KCNT2: variants seen among roughly 807,000 people sequenced by gnomAD.
The protein encoded by KCNT2 is potassium channel subfamily T member 2.
KCNT2 carries 67 observed loss-of-function variants against 153.8 expected under a neutral mutation model. The observed-to-expected ratio is 0.44, with a 90% confidence interval of 0.36 to 0.53. The LOEUF (loss-of-function observed/expected upper bound fraction) is 0.53, where lower values mean the gene tolerates loss of function less well. Ranked by LOEUF, KCNT2 falls within the 20% of genes least tolerant of loss-of-function variation. The pLI, the probability that KCNT2 is intolerant of heterozygous loss-of-function variation, is 0.00. For synonymous variants in KCNT2, 500 were observed against 458.8 expected, an observed-to-expected ratio of 1.09 and a Z score of -1.15; for missense variants, 975 against 1,354.8, an observed-to-expected ratio of 0.72 and a Z score of 4.40.
intron 13 of KCNT2, among the ~76,000 whole-genome samples, chr1:196,393,601 A>ATG (rs569109369): frequency 0.27 from 40,671 of 150,610 alleles, 5,825 homozygotes; most frequent in Admixed American, 0.33. Flanking sequence ...GTGTGCATGT[A>ATG]TGTGTGTGTG....
rs181518855 is a variant in KCNT2, at chr1:196,258,887, A to C, written c.2911-393T>G. Reference sequence around the variant, plus strand: ...TGTAATGGACTTTTCTAAACCTATTACAAGTATTTCACACTCAATTTAAAT... The same window carrying C: ...TGTAATGGACTTTTCTAAACCTATTCCAAGTATTTCACACTCAATTTAAAT... On this transcript the variant is annotated intron_variant, in intron 25 of 27. Transcript: ENST00000294725. Among the ~76,000 whole-genome samples the C allele has an allele frequency of 2.5e-3, 383 of 152,256 alleles. 2 individuals are homozygous for C. Among genetic ancestry groups the C allele is most frequent in the South Asian group, 5.4e-3 (26 of 4,828 alleles).
chr1:196,433,888 A>C (rs1674381436), intron 8 of KCNT2, among the ~76,000 whole-genome samples: 2 of 152,080 alleles, frequency 1.3e-5, no homozygotes, highest in Admixed American at 1.3e-4. Context: ...AGAGGTATCA[A>C]GAGACAGAAG....
intron 1 of KCNT2, among the ~76,000 whole-genome samples, chr1:196,557,081 C>A (rs550783804): frequency 6.6e-6 from 1 of 150,948 alleles, no homozygotes; most frequent in African/African-American, 2.4e-5. Context: ...TATTTGACAG[C>A]ACAAGAGGGG....
intron 25 of KCNT2, among the ~76,000 whole-genome samples, chr1:196,266,140 T>A (rs1010695980): frequency 6.6e-6 from 1 of 152,156 alleles, no homozygotes; most frequent in African/African-American, 2.4e-5. Context: ...CTTGAAGAAT[T>A]TATAAAGGCA....
At chr1:196,607,008 A>C (rs1281156797) in intron 1 of KCNT2, among the ~76,000 whole-genome samples, 2 of 152,222 alleles carry the variant, frequency 1.3e-5, no homozygotes, top group Non-Finnish European at 2.9e-5. Context: ...TTGAACCAAA[A>C]TATCCTCTAC....
intron 25 of KCNT2, among the ~76,000 whole-genome samples, chr1:196,277,097 C>T (rs1016373748): frequency 9.2e-5 from 14 of 152,126 alleles, no homozygotes; most frequent in African/African-American, 3.4e-4. Flanking sequence ...TCTTAGAACT[C>T]CTAGACTAAT....
intron 1 of KCNT2, among the ~76,000 whole-genome samples, chr1:196,600,098 C>T (rs913034136): frequency 6.6e-6 from 1 of 152,042 alleles, no homozygotes; most frequent in Non-Finnish European, 1.5e-5. Context: ...CTAGTTGTAC[C>T]TAGTTATTAA....
intron 13 of KCNT2, among the ~76,000 whole-genome samples, chr1:196,395,368 T>C (rs1186170112): frequency 3.3e-5 from 5 of 151,718 alleles, no homozygotes; most frequent in African/African-American, 1.2e-4. Context: ...AAACTGTTTG[T>C]AAAACATTAT....
At chr1:196,523,394 TA>T (rs1180032974) in intron 1 of KCNT2, among the ~76,000 whole-genome samples, 4 of 152,194 alleles carry the variant, frequency 2.6e-5, no homozygotes, top group Non-Finnish European at 5.9e-5. Flanking sequence ...CCGGACACAC[TA>T]GCTTAAATTA....
chr1:196,489,327 A>G (rs969156822), intron 3 of KCNT2, among the ~76,000 whole-genome samples: 1 of 151,978 alleles, frequency 6.6e-6, no homozygotes, highest in African/African-American at 2.4e-5. Context: ...CTGTCATGGA[A>G]TATCCTCTCT....
At chr1:196,331,996 A>G (rs949949255) in intron 17 of KCNT2, among the ~76,000 whole-genome samples, 5 of 152,186 alleles carry the variant, frequency 3.3e-5, no homozygotes, top group Admixed American at 1.3e-4. Context: ...AAAACGTAGC[A>G]GCATAAATGA....
intron 8 of KCNT2, among the ~76,000 whole-genome samples, chr1:196,435,165 A>G (rs919383509): frequency 2.3e-5 from 3 of 130,204 alleles, no homozygotes; most frequent in South Asian, 4.7e-4. Flanking sequence ...ATATATATAT[A>G]TATATATATA....
intron 18 of KCNT2, among the ~76,000 whole-genome samples, chr1:196,328,988 T>C (rs1351178446): frequency 6.6e-6 from 1 of 152,102 alleles, no homozygotes; most frequent in Non-Finnish European, 1.5e-5. Flanking sequence ...GTTGAGCTGA[T>C]GTTTGGATCA....
At position 196,475,477 on chromosome 1, in the gene KCNT2, G is replaced by C. The variant is rs531437503; in HGVS notation, c.384+3702C>G. Among the ~76,000 whole-genome samples, 17 of 152,024 alleles carry C rather than the reference G, an allele frequency of 1.1e-4. No homozygotes were observed. In the South Asian group the frequency reaches 3.5e-3, roughly 32 times the overall value. The stretch of plus-strand genomic sequence containing the variant: ...TTAAAAAAAGATACAAATATTAGCC[G>C]GGTGTGGTGGTGCACACCTGCAGTC... On this transcript the variant is annotated intron_variant, in intron 5 of 27. Coordinates refer to ENST00000294725, the MANE Select transcript of KCNT2 (RefSeq NM_198503.5).
intron 25 of KCNT2, among the ~76,000 whole-genome samples, chr1:196,280,010 A>T (rs2147864463): frequency 6.6e-6 from 1 of 152,316 alleles, no homozygotes; most frequent in South Asian, 2.1e-4. Context: ...TCAGACCAAA[A>T]AAAATGGCTG....
chr1:196,563,072 CT>C (rs1429268267), intron 1 of KCNT2, among the ~76,000 whole-genome samples: 1 of 151,982 alleles, frequency 6.6e-6, no homozygotes, highest in Non-Finnish European at 1.5e-5. Context: ...TACTCTACGC[CT>C]TCAACCTTCA....
At chr1:196,355,862 A>G (rs1486515977) in intron 14 of KCNT2, among the ~76,000 whole-genome samples, 1 of 151,816 alleles carries the variant, frequency 6.6e-6, no homozygotes. Flanking sequence ...AAAATTTTAT[A>G]GCTACATTGT....
At chr1:196,508,050 C>T (rs749522192) in intron 1 of KCNT2, among the ~76,000 whole-genome samples, 19 of 150,996 alleles carry the variant, frequency 1.3e-4, no homozygotes, top group South Asian at 2.1e-4. Flanking sequence ...TAAATTGATT[C>T]GTGAAATTTA....
intron 12 of KCNT2, among the ~76,000 whole-genome samples, chr1:196,411,732 C>A (rs1672354529): frequency 6.6e-6 from 1 of 151,674 alleles, no homozygotes; most frequent in Non-Finnish European, 1.5e-5. Flanking sequence ...TTTATTAGTT[C>A]TAACACTTTT....
Sources: allele counts gnomAD v4.1 joint callset (sites outside exome capture counted in the v4.1 genomes callset), GRCh38; gene constraint gnomAD v4.1.1; transcripts MANE v1.5; gene names NCBI Gene and HGNC (gene_info 2026-07-23, HGNC 2026-07-21).